The following PLCH1 variants were observed in gnomAD, a reference collection of about 807,000 sequenced individuals.
The protein encoded by PLCH1 is phospholipase C eta 1, also known as 1-phosphatidylinositol 4,5-bisphosphate phosphodiesterase eta-1.
A neutral mutation model predicts 126.7 loss-of-function variants in PLCH1; 60 were observed. That is an observed-to-expected ratio of 0.47 (90% CI 0.38 to 0.59). The LOEUF is 0.59. Ranked by LOEUF, PLCH1 falls within the 20% of genes least tolerant of loss-of-function variation. The pLI is 0.00. For missense variants in PLCH1, 1,723 were observed against 2,040.0 expected (o/e 0.84, Z 2.99); for synonymous variants, 719 against 734.9 (o/e 0.98, Z 0.35).
intron 21 of PLCH1, among the ~76,000 whole-genome samples, chr3:155,474,333 T>C (rs1202274981): frequency 6.7e-5 from 10 of 149,614 alleles, no homozygotes; most frequent in East Asian, 2.1e-4. Context: ...AAAATGCTCA[T>C]CATCACTGGC....
At chr3:155,485,330 T>A in intron 22 of PLCH1, 26 bp downstream of exon 22, 2 of 1,481,778 alleles carry the variant, frequency 1.3e-6, no homozygotes, top group Non-Finnish European at 1.9e-6. Context: ...AAGGGTTTAT[T>A]CTCAGAGAAA....
At chr3:155,548,073 C>G (rs982066261) in intron 10 of PLCH1, among the ~76,000 whole-genome samples, 3 of 151,906 alleles carry the variant, frequency 2.0e-5, no homozygotes, top group African/African-American at 7.2e-5. Flanking sequence ...AAAAAATGAA[C>G]TTTGCCTGTA....
chr3:155,482,448 C>T lies in PLCH1; in HGVS notation c.3578G>A (p.Gly1193Asp), dbSNP rs1173898522. Reference protein sequence around the residue: ...EPGSSISALIGQFDETNNQAL... With the variant: ...EPGSSISALIDQFDETNNQAL... ...CTGATTGTTGGTCTCATCAAACTGGCCAATCAGGGCTGAGATGGAACTGCC... is the reference window on the plus strand; with the variant it reads ...CTGATTGTTGGTCTCATCAAACTGGTCAATCAGGGCTGAGATGGAACTGCC... Residue 1193 changes from glycine to aspartate, a missense_variant, in exon 23 of 23, where the codon GGC becomes GAC. By Grantham distance (94) the Gly-to-Asp change is moderately conservative. Coordinates refer to ENST00000460012, the MANE Select transcript of PLCH1 (RefSeq NM_014996.4). 2.5e-6 allele frequency: 4 copies of T among 1,614,124 alleles called. No individual in the cohort carries two copies. The highest frequency in any genetic ancestry group is 2.5e-6 in the Non-Finnish European group (3 of 1,180,020).
chr3:155,597,007 A>G (rs767197377), intron 2 of PLCH1, among the ~76,000 whole-genome samples: 4 of 152,254 alleles, frequency 2.6e-5, no homozygotes, highest in Non-Finnish European at 4.4e-5. Flanking sequence ...GAATCCAGGT[A>G]ATATCCAAAT....
chr3:155,638,270 T>G (rs1032406332), intron 2 of PLCH1, among the ~76,000 whole-genome samples: 36 of 152,312 alleles, frequency 2.4e-4, no homozygotes, highest in African/African-American at 8.4e-4. Context: ...CTCCCACTAT[T>G]CTACTACCCA....
At chr3:155,660,983 T>C (rs919350292) in intron 2 of PLCH1, among the ~76,000 whole-genome samples, 4 of 152,212 alleles carry the variant, frequency 2.6e-5, no homozygotes, top group African/African-American at 9.6e-5. Context: ...AAATGCCACA[T>C]GAAGAACTGG....
chr3:155,649,909 C>T (rs146824088), intron 2 of PLCH1, among the ~76,000 whole-genome samples: 6,917 of 152,008 alleles, frequency 0.046, 249 homozygotes, highest in African/African-American at 0.091. Flanking sequence ...ACCCGGGAGG[C>T]GGAGCTTGCA....
intron 1 of PLCH1, among the ~76,000 whole-genome samples, chr3:155,731,311 C>G (rs1397167142): frequency 6.6e-6 from 1 of 152,208 alleles, no homozygotes; most frequent in Non-Finnish European, 1.5e-5. Context: ...ATTCCAGTGA[C>G]AGGTCTGCCT....
intron 4 of PLCH1, 32 bp downstream of exon 4, chr3:155,593,909 G>C: frequency 6.2e-7 from 1 of 1,609,000 alleles, no homozygotes; most frequent in Non-Finnish European, 8.5e-7. Context: ...GAGAGCAAGA[G>C]AGAGCTGAAA....
At chr3:155,615,815 T>A (rs1440323381) in intron 2 of PLCH1, among the ~76,000 whole-genome samples, 2 of 152,094 alleles carry the variant, frequency 1.3e-5, no homozygotes, top group South Asian at 4.1e-4. Context: ...TTGGGTACAG[T>A]GTATACTGCT....
intron 1 of PLCH1, among the ~76,000 whole-genome samples, chr3:155,723,608 C>T (rs769240474): frequency 6.6e-6 from 1 of 151,954 alleles, no homozygotes; most frequent in Non-Finnish European, 1.5e-5. Flanking sequence ...TGTTGTATCC[C>T]AAAGGTTTTG....
intron 2 of PLCH1, among the ~76,000 whole-genome samples, chr3:155,698,742 G>C (rs1374328106): frequency 6.6e-6 from 1 of 152,100 alleles, no homozygotes; most frequent in Admixed American, 6.5e-5. Flanking sequence ...TCACACCTGG[G>C]TCAGGCCATG....
At chr3:155,457,903 C>T (rs1432491386) in intron 21 of PLCH1, 1 of 152,360 alleles carries the variant, frequency 6.6e-6, no homozygotes, top group Non-Finnish European at 1.5e-5. Flanking sequence ...CACACCTCAC[C>T]CATGGCTATT....
chr3:155,451,157 G>A (rs577106064), intron 21 of PLCH1, among the ~76,000 whole-genome samples: 1 of 151,844 alleles, frequency 6.6e-6, no homozygotes. Context: ...AAATAAATAA[G>A]AGAATTCAAA....
intron 8 of PLCH1, 48 bp from the exon 9 acceptor site, chr3:155,554,244 T>C (rs772646781): frequency 3.2e-6 from 5 of 1,580,500 alleles, no homozygotes; most frequent in East Asian, 2.3e-5. Flanking sequence ...CTCTGGTGTT[T>C]ATTAATATTT....
chr3:155,488,129 G>GTTTGTT (rs2108054874), intron 20 of PLCH1, 22 bp from the exon 21 acceptor site: 2 of 1,515,322 alleles, frequency 1.3e-6, no homozygotes, highest in Non-Finnish European at 9.2e-7. Context: ...AAAGAGAGTC[G>GTTTGTT]TTTCTTTTTA....
chr3:155,711,248 A>G (rs1747107828), intron 1 of PLCH1, among the ~76,000 whole-genome samples: 1 of 152,194 alleles, frequency 6.6e-6, no homozygotes, highest in Non-Finnish European at 1.5e-5. Context: ...AAATGCTCCT[A>G]AGCTCATTTT....
intron 9 of PLCH1, among the ~76,000 whole-genome samples, chr3:155,552,530 C>T (rs1248239434): frequency 1.3e-5 from 2 of 151,994 alleles, no homozygotes; most frequent in Admixed American, 6.6e-5. Flanking sequence ...GATAGACTAA[C>T]GGGGAAGGTT....
chr3:155,666,893 G>GGT (rs3220185), intron 2 of PLCH1, among the ~76,000 whole-genome samples: 5,267 of 148,684 alleles, frequency 0.035, 100 homozygotes, highest in Non-Finnish European at 0.052. Flanking sequence ...ACACAGATGA[G>GGT]GTGTGTGTGT....
Sources: gnomAD v4.1 joint callset for allele counts (sites outside exome capture counted in the v4.1 genomes callset) on GRCh38, gnomAD v4.1.1 for gene constraint, MANE v1.5 for transcripts, NCBI Gene and HGNC (gene_info 2026-07-23, HGNC 2026-07-21) for gene names.